The following DYNC1LI2 variants were observed in gnomAD, a reference collection of about 807,000 sequenced individuals.
The protein encoded by DYNC1LI2 is cytoplasmic dynein 1 light intermediate chain 2.
A neutral mutation model predicts 57.8 loss-of-function variants in DYNC1LI2; 19 were observed. The observed-to-expected ratio is 0.33, with a 90% CI of 0.23 to 0.48. DYNC1LI2 has a LOEUF of 0.48. Among genes scored for constraint, DYNC1LI2 ranks in the 20% least tolerant of loss-of-function variants. The pLI is 0.99. For synonymous variants in DYNC1LI2, 256 were observed against 233.4 expected (o/e 1.10, Z -0.88); for missense variants, 470 against 604.2 (o/e 0.78, Z 2.33).
At chr16:66,728,343 T>A in intron 9 of DYNC1LI2, 101 bp from the exon 10 acceptor site, 1 of 1,335,080 alleles carries the variant, frequency 7.5e-7, no homozygotes, top group Non-Finnish European at 1.1e-6. Context: ...AGGGCACTAT[T>A]AACAACAACT....
intron 9 of DYNC1LI2, among the ~76,000 whole-genome samples, 173 bp from the exon 10 acceptor site, chr16:66,728,415 G>GA (rs558402343): frequency 2.8e-4 from 43 of 151,896 alleles, no homozygotes; most frequent in African/African-American, 1.0e-3. Context: ...GGTATATGGT[G>GA]AAAAAAAATA....
At chr16:66,747,928 A>G (rs1230497001) in intron 3 of DYNC1LI2, among the ~76,000 whole-genome samples, 9 of 152,158 alleles carry the variant, frequency 5.9e-5, no homozygotes, top group Non-Finnish European at 1.5e-5. Context: ...TAACTTTTCT[A>G]CCAAAAAAAC....
chr16:66,725,691 C>G (rs893063780), intron 12 of DYNC1LI2, 137 bp downstream of exon 12: 1 of 825,166 alleles, frequency 1.2e-6, no homozygotes, highest in African/African-American at 1.7e-5. Flanking sequence ...CGGCACACTG[C>G]TCAGTAGGAA....
chr16:66,726,798 C>T (rs188526433), intron 11 of DYNC1LI2, among the ~76,000 whole-genome samples: 52 of 152,204 alleles, frequency 3.4e-4, no homozygotes, highest in African/African-American at 1.0e-3. Flanking sequence ...CCCACCATCA[C>T]GCCTGGCTAA....
intron 4 of DYNC1LI2, among the ~76,000 whole-genome samples, chr16:66,737,258 A>G (rs992301544): frequency 2.0e-5 from 3 of 152,182 alleles, no homozygotes; most frequent in African/African-American, 7.2e-5. Context: ...TCTGGGCAAC[A>G]GAGTGAGACT....
chr16:66,749,124 C>T (rs1251242752), intron 3 of DYNC1LI2, 73 bp downstream of exon 3: 6 of 1,440,152 alleles, frequency 4.2e-6, no homozygotes, highest in Non-Finnish European at 4.9e-6. Flanking sequence ...GGCCATGCTG[C>T]AGGAACTGCA....
rs990243932 is a variant in DYNC1LI2, at chr16:66,734,437, T to C, written c.700-126A>G. 4.6e-6 allele frequency: 4 copies of C among 864,940 alleles called. No individual in the cohort carries two copies. In the African/African-American group the frequency reaches 5.2e-5, roughly 11 times the overall value. 53.6% of individuals were successfully genotyped at this position (864,940 alleles called of 1,614,324 possible). A position where few individuals can be genotyped will look rare whatever the true frequency, so the allele number is the denominator to read the frequency against. On this transcript the variant is annotated intron_variant, in intron 5 of 12. Transcript: ENST00000258198. ...AAGCCACAGCTCAGGGTCCAAGCATTAATTAGAGAAGAGTAAAAAAGAACC... is the reference window on the plus strand; with the variant it reads ...AAGCCACAGCTCAGGGTCCAAGCATCAATTAGAGAAGAGTAAAAAAGAACC...
rs2017528744 is a variant in DYNC1LI2, at chr16:66,725,918, C to T, written c.1288G>A (p.Ala430Thr). 2 of 1,613,722 alleles carry T rather than the reference C, an allele frequency of 1.2e-6. No individual in the cohort carries two copies. Among genetic ancestry groups the T allele is most frequent in the East Asian group, 2.2e-5 (1 of 44,888 alleles). The stretch of plus-strand genomic sequence containing the variant: ...CTCAACAGACTGTTGAAGAAGCTGG[C>T]CAACACCCCTTCACTTGCTGCATTA... ...KNNAASEGVL[A>T]SFFNSLLSKK... Residue 430 changes from alanine (A) to threonine (T), a missense_variant, in exon 12 of 13, where the codon GCC (alanine) becomes ACC (threonine). Ala to Thr is a moderately conservative substitution (Grantham distance 58). Coordinates refer to ENST00000258198, the MANE Select transcript of DYNC1LI2 (RefSeq NM_006141.3).
rs374039997 is a variant in DYNC1LI2 at position 66,742,603 on chromosome 16, C to A, written c.364G>T (p.Ala122Ser). Residue 122 changes from alanine (A) to serine (S), a missense_variant, in exon 4 of 13, where the codon GCA (alanine) becomes TCA (serine). Coordinates refer to ENST00000258198, the MANE Select transcript of DYNC1LI2 (RefSeq NM_006141.3). ...TCTGGCAAGGATTCAGCAGAAACTG[C>A]AAATTTCAGCAGGCCTTTGTGGTAC... Reference protein sequence around the residue: ...DLYHKGLLKFAVSAESLPETL... With the variant: ...DLYHKGLLKFSVSAESLPETL... The A allele has an allele frequency of 4.3e-5, 70 of 1,614,088 alleles. No homozygotes were observed. The highest frequency in any genetic ancestry group is 5.8e-5 in the Non-Finnish European group (68 of 1,180,044).
chr16:66,726,497 TA>T (rs1392516494), intron 11 of DYNC1LI2, among the ~76,000 whole-genome samples: 1 of 152,208 alleles, frequency 6.6e-6, no homozygotes, highest in African/African-American at 2.4e-5. Context: ...ATACACATTT[TA>T]AAGTGACTCC....
intron 4 of DYNC1LI2, among the ~76,000 whole-genome samples, chr16:66,740,052 A>G (rs193294402): frequency 5.9e-4 from 90 of 152,218 alleles, no homozygotes; most frequent in Middle Eastern, 6.8e-3. Flanking sequence ...TCCTGAGAAG[A>G]CCCCATAGTC....
chr16:66,738,807 G>A (rs1295942655), intron 4 of DYNC1LI2: 5 of 151,716 alleles, frequency 3.3e-5, no homozygotes, highest in Admixed American at 3.3e-4. Flanking sequence ...CCCAGGAGGT[G>A]GAGGTTGCAG....
At chr16:66,729,839 T>C (rs111420970) in intron 8 of DYNC1LI2, among the ~76,000 whole-genome samples, 1 of 152,092 alleles carries the variant, frequency 6.6e-6, no homozygotes, top group Non-Finnish European at 1.5e-5. Context: ...TGGAGTGCAG[T>C]GGCGCAATCT....
chr16:66,726,054 G>C, intron 11 of DYNC1LI2, 110 bp from the exon 12 acceptor site: 1 of 1,111,454 alleles, frequency 9.0e-7, no homozygotes, highest in Non-Finnish European at 1.3e-6. Flanking sequence ...AGCTTCCTAG[G>C]ATATTGATAA....
intron 5 of DYNC1LI2, among the ~76,000 whole-genome samples, chr16:66,735,072 T>C (rs1021813578): frequency 4.0e-5 from 6 of 149,858 alleles, no homozygotes; most frequent in African/African-American, 1.5e-4. Context: ...ACTTTATTTC[T>C]CTATTTCTCT....
rs147705378 is a variant in DYNC1LI2, at chr16:66,734,187, A to T, written c.793+31T>A. ...TGCCCCATTTGGAAGAAAGCCTGTG[A>T]CCCAGGCCCCACACAGCGCCCAAAG... On this transcript the variant is annotated intron_variant, in intron 6 of 12. Transcript: ENST00000258198. 3.1e-3 allele frequency: 4,940 copies of T among 1,608,196 alleles called. 8 individuals are homozygous for T. Among genetic ancestry groups the T allele is most frequent in the Non-Finnish European group, 3.9e-3 (4,641 of 1,175,518 alleles).
chr16:66,743,560 CAAAAAAAAAAAAAA>C (rs56749595), intron 3 of DYNC1LI2, among the ~76,000 whole-genome samples: 1 of 87,192 alleles, frequency 1.1e-5, no homozygotes, highest in African/African-American at 4.6e-5. Flanking sequence ...GACTCCATCT[CAAAAAAAAAAAAAA>C]AAAAAAAAGG....
At position 66,725,779 on chromosome 16, in the gene DYNC1LI2, C is replaced by T. The variant is rs2305311; in HGVS notation, c.1378+49G>A. ...GCAGGTGTCTGCCTCTCCATCCTTG[C>T]AGCACTACTCAACCACAAGAGTCAC... On this transcript the variant is annotated intron_variant, in intron 12 of 12. Coordinates refer to ENST00000258198, the MANE Select transcript of DYNC1LI2 (RefSeq NM_006141.3). The T allele has an allele frequency of 9.5e-6, 15 of 1,575,996 alleles. No homozygotes were observed. In the South Asian group the frequency reaches 1.4e-4, roughly 14 times the overall value.
chr16:66,721,621 T>G lies in DYNC1LI2; in HGVS notation c.*2101A>C, dbSNP rs2017452343. The G allele has an allele frequency of 1.3e-5, 2 of 152,588 alleles. No homozygotes were observed. The highest frequency in any genetic ancestry group is 1.3e-4 in the Admixed American group (2 of 15,270). The allele number at this position is 152,588 out of a possible 1,614,324, so 9.5% of individuals were successfully genotyped here. A position where few individuals can be genotyped will look rare whatever the true frequency, so the allele number is the denominator to read the frequency against. ...GAGCACATGACACTATGTATCAGCTTCTTCTGATACTAGGAGCTTCCACTT... is the reference window on the plus strand; with the variant it reads ...GAGCACATGACACTATGTATCAGCTGCTTCTGATACTAGGAGCTTCCACTT... On this transcript the variant is annotated 3_prime_UTR_variant, in exon 13 of 13. Coordinates refer to ENST00000258198, the MANE Select transcript of DYNC1LI2 (RefSeq NM_006141.3).
Sources: gnomAD v4.1 joint callset for allele counts (sites outside exome capture counted in the v4.1 genomes callset) on GRCh38, gnomAD v4.1.1 for gene constraint, MANE v1.5 for transcripts, NCBI Gene and HGNC (gene_info 2026-07-23, HGNC 2026-07-21) for gene names.